Variants in GRM5 observed in about 807,000 individuals in gnomAD.
GRM5 encodes glutamate metabotropic receptor 5.
GRM5 carries 19 observed loss-of-function variants against 83.1 expected under a neutral mutation model. That is an observed-to-expected ratio of 0.23 (90% CI 0.16 to 0.34). The LOEUF (loss-of-function observed/expected upper bound fraction) is 0.34, where lower values mean the gene tolerates loss of function less well. Among genes scored for constraint, GRM5 ranks in the 10% least tolerant of loss-of-function variants. The probability of loss-of-function intolerance (pLI) is 1.00; values close to 1 mark genes in which losing one functional copy is unlikely to be tolerated. For synonymous variants in GRM5, 675 were observed against 633.6 expected (o/e 1.07, Z -0.98); for missense variants, 1,160 against 1,588.3 (o/e 0.73, Z 4.58).
intron 3 of GRM5, among the ~76,000 whole-genome samples, chr11:88,744,055 G>C (rs533150143): frequency 6.6e-6 from 1 of 152,220 alleles, no homozygotes; most frequent in South Asian, 2.1e-4. Context: ...ATACTAGTAA[G>C]GTTCCATCCT....
At chr11:88,566,981 A>G (rs1942889872) in intron 8 of GRM5, 72 bp downstream of exon 8, 2 of 983,448 alleles carry the variant, frequency 2.0e-6, no homozygotes, top group Admixed American at 4.9e-5. Flanking sequence ...TCCCATTTAA[A>G]AGACCCAGGA....
chr11:88,629,326 C>T (rs896720869), intron 4 of GRM5, among the ~76,000 whole-genome samples: 3 of 152,170 alleles, frequency 2.0e-5, no homozygotes, highest in African/African-American at 7.2e-5. Context: ...TTCTCTAGCT[C>T]AAATATGTCA....
intron 3 of GRM5, among the ~76,000 whole-genome samples, chr11:88,662,078 A>T (rs2135318948): frequency 6.6e-6 from 1 of 152,264 alleles, no homozygotes; most frequent in East Asian, 1.9e-4. Flanking sequence ...AAAAGTCAGG[A>T]ACTTGAAATT....
At chr11:88,867,777 G>C (rs1944697660) in intron 2 of GRM5, among the ~76,000 whole-genome samples, 1 of 151,656 alleles carries the variant, frequency 6.6e-6, no homozygotes, top group Non-Finnish European at 1.5e-5. Flanking sequence ...TCCTCAGAAG[G>C]AACACAGCCT....
intron 2 of GRM5, among the ~76,000 whole-genome samples, chr11:88,988,059 T>C (rs1465985274): frequency 6.6e-6 from 1 of 150,450 alleles, no homozygotes; most frequent in South Asian, 2.1e-4. Context: ...ATCAAATTAC[T>C]CTGAGCTACG....
chr11:88,617,929 A>G (rs546556641), intron 4 of GRM5, among the ~76,000 whole-genome samples: 1 of 152,254 alleles, frequency 6.6e-6, no homozygotes, highest in East Asian at 1.9e-4. Flanking sequence ...TGAGGTGGGG[A>G]GTGCTAAGAA....
At chr11:88,668,988 G>A (rs1276323458) in intron 3 of GRM5, among the ~76,000 whole-genome samples, 1 of 152,068 alleles carries the variant, frequency 6.6e-6, no homozygotes, top group African/African-American at 2.4e-5. Context: ...CAACCACTAT[G>A]GAAAACAGTA....
intron 8 of GRM5, among the ~76,000 whole-genome samples, chr11:88,565,752 T>C (rs1942861372): frequency 1.3e-5 from 2 of 152,100 alleles, no homozygotes. Flanking sequence ...AAAGAAGACA[T>C]GAGTTACAGT....
intron 8 of GRM5, among the ~76,000 whole-genome samples, chr11:88,545,573 G>T (rs1003860853): frequency 1.3e-5 from 2 of 150,872 alleles, no homozygotes; most frequent in African/African-American, 4.9e-5. Flanking sequence ...TTCTCCTTGA[G>T]GTTGAATTAC....
intron 2 of GRM5, among the ~76,000 whole-genome samples, chr11:88,851,029 T>C (rs1187457090): frequency 6.6e-6 from 1 of 152,124 alleles, no homozygotes; most frequent in Non-Finnish European, 1.5e-5. Flanking sequence ...TAGGTCCATA[T>C]TTACCTTGAG....
intron 2 of GRM5, among the ~76,000 whole-genome samples, chr11:88,930,252 T>TA (rs71988329): frequency 2.0e-3 from 296 of 147,480 alleles, no homozygotes; most frequent in African/African-American, 4.1e-3. Flanking sequence ...TCACCAAAAT[T>TA]AAAAAAAAAA....
At chr11:88,926,327 C>T (rs1945789028) in intron 2 of GRM5, among the ~76,000 whole-genome samples, 1 of 152,160 alleles carries the variant, frequency 6.6e-6, no homozygotes, top group South Asian at 2.1e-4. Context: ...AAAAGTAGTA[C>T]AAATTCACTG....
intron 3 of GRM5, among the ~76,000 whole-genome samples, chr11:88,748,508 C>T (rs1483845569): frequency 1.3e-5 from 2 of 152,106 alleles, no homozygotes; most frequent in Non-Finnish European, 2.9e-5. Flanking sequence ...GTCAGCTGCT[C>T]CAGCCTGCAG....
intron 7 of GRM5, among the ~76,000 whole-genome samples, chr11:88,572,922 T>C (rs1401941555): frequency 6.6e-6 from 1 of 152,174 alleles, no homozygotes; most frequent in African/African-American, 2.4e-5. Flanking sequence ...TTAAATAATC[T>C]TGATCATGTC....
intron 3 of GRM5, among the ~76,000 whole-genome samples, chr11:88,668,819 C>T (rs760249504): frequency 6.6e-5 from 10 of 152,120 alleles, no homozygotes; most frequent in Non-Finnish European, 1.5e-4. Context: ...CTTCATCCCC[C>T]CAACCCCTGG....
At chr11:88,831,659 G>A (rs769227432) in intron 3 of GRM5, among the ~76,000 whole-genome samples, 11 of 152,156 alleles carry the variant, frequency 7.2e-5, no homozygotes, top group Non-Finnish European at 4.4e-5. Context: ...CTGAGGATGA[G>A]CCCACCCAAA....
chr11:88,699,024 AG>A (rs1480545480), intron 3 of GRM5, among the ~76,000 whole-genome samples: 4 of 152,168 alleles, frequency 2.6e-5, no homozygotes, highest in African/African-American at 9.6e-5. Context: ...TGCTATTTCA[AG>A]GTACAGATGG....
chr11:88,648,948 CTTT>C (rs1565170862), intron 4 of GRM5, among the ~76,000 whole-genome samples: 1,277 of 150,490 alleles, frequency 8.5e-3, no homozygotes, highest in African/African-American at 0.029. Context: ...TGATGCAATT[CTTT>C]ATTCTACAGG....
intron 3 of GRM5, among the ~76,000 whole-genome samples, chr11:88,730,291 A>G (rs1422229092): frequency 6.6e-6 from 1 of 152,212 alleles, no homozygotes; most frequent in Non-Finnish European, 1.5e-5. Context: ...ATCACTGGTC[A>G]TTAGAGAAAT....
Sources: allele counts gnomAD v4.1 joint callset (sites outside exome capture counted in the v4.1 genomes callset), GRCh38; gene constraint gnomAD v4.1.1; transcripts MANE v1.5; gene names NCBI Gene and HGNC (gene_info 2026-07-23, HGNC 2026-07-21).